DNAH2: variants seen among roughly 807,000 people sequenced by gnomAD.
DNAH2 encodes the protein dynein axonemal heavy chain 2.
In DNAH2, 323 loss-of-function variants were observed where a neutral mutation model predicts 523.5. The ratio of observed to expected loss-of-function variants is 0.62; its 90% CI spans 0.56 to 0.68. The LOEUF is 0.68. DNAH2 is among the 30% of genes least tolerant of loss of function. DNAH2 has a pLI of 0.00. For synonymous variants in DNAH2, 2,093 were observed against 2,177.4 expected (o/e 0.96, Z 1.08); for missense variants, 4,907 against 5,701.5 (o/e 0.86, Z 4.49).
intron 63 of DNAH2, among the ~76,000 whole-genome samples, chr17:7,814,445 TAAG>T (rs1312921000): frequency 6.6e-6 from 1 of 152,166 alleles, no homozygotes; most frequent in Admixed American, 6.6e-5. Context: ...TTTCTAGGTT[TAAG>T]TTTTCATAAT....
At chr17:7,759,769 A>G (rs2075953121) in intron 16 of DNAH2, 22 bp from the exon 17 acceptor site, 4 of 1,613,872 alleles carry the variant, frequency 2.5e-6, no homozygotes, top group South Asian at 1.1e-5. Context: ...TTTTCTCTCC[A>G]TCTCCACTGG....
chr17:7,830,007 C>T (rs1053658010), intron 77 of DNAH2, among the ~76,000 whole-genome samples: 1 of 115,220 alleles, frequency 8.7e-6, no homozygotes, highest in Non-Finnish European at 1.6e-5. Context: ...GCCTGGGCAA[C>T]AACAGCGAAA....
Position 7,821,452 on chromosome 17 carries a change from G to C in DNAH2, c.11142+83G>C. Reference sequence around the variant, plus strand: ...AAGTGTGACAAGGACTCCAGACCCAGAGGGTCAGGCCCACAGCATCAGTGA... The same window carrying C: ...AAGTGTGACAAGGACTCCAGACCCACAGGGTCAGGCCCACAGCATCAGTGA... On this transcript the variant is annotated intron_variant, in intron 73 of 85. Transcript: ENST00000572933. This position sits in a 1 kb window ranked among gnomAD's most constrained non-coding sequence, Gnocchi z 5.0. 1.3e-6 allele frequency: 2 copies of C among 1,490,158 alleles called. No individual in the cohort carries two copies. The highest frequency in any genetic ancestry group is 1.8e-6 in the Non-Finnish European group (2 of 1,107,228). The allele number at this position is 1,490,158 out of a possible 1,614,324, so 92.3% of individuals were successfully genotyped here. A position where few individuals can be genotyped will look rare whatever the true frequency, so the allele number is the denominator to read the frequency against.
intron 13 of DNAH2, 21 bp from the exon 14 acceptor site, chr17:7,758,474 C>T: frequency 1.9e-6 from 3 of 1,606,020 alleles, no homozygotes; most frequent in Non-Finnish European, 2.6e-6. Context: ...CCTCTGGATA[C>T]CAGGCCTCTC....
intron 5 of DNAH2, 78 bp from the exon 6 acceptor site, chr17:7,734,105 G>A (rs914656733): frequency 7.1e-6 from 9 of 1,274,864 alleles, no homozygotes; most frequent in African/African-American, 3.0e-5. Context: ...GTCCCCTACC[G>A]ATCATCAACC....
chr17:7,770,391 G>C lies in DNAH2; in HGVS notation c.4081G>C (p.Glu1361Gln). The C allele has an allele frequency of 6.2e-7, 1 of 1,613,416 alleles. No homozygotes were observed. The highest frequency in any genetic ancestry group is 8.5e-7 in the Non-Finnish European group (1 of 1,179,646). Reference sequence around the variant, plus strand: ...GGAGATCTCTGCTTCAGCAACTAAAGAGCTGGCTATAGAAGTGGTACGACA... The same window carrying C: ...GGAGATCTCTGCTTCAGCAACTAAACAGCTGGCTATAGAAGTGGTACGACA... Reference protein sequence around the residue: ...IGEISASATKELAIEVALQNI... With the variant: ...IGEISASATKQLAIEVALQNI... The change falls in exon 25 of 86, where the codon GAG (glutamate) becomes CAG (glutamine). Residue 1361 changes from glutamate (E) to glutamine (Q), a missense_variant. This residue lies in a region of DNAH2 where 2,806 missense variants were observed against 3,190.8 expected (regional missense o/e 0.88). Coordinates refer to ENST00000572933, the MANE Select transcript of DNAH2 (RefSeq NM_020877.5).
Position 7,759,496 on chromosome 17 carries a change from G to A in DNAH2, c.2523G>A (p.Lys841=), listed in dbSNP as rs140380474. Residue 841 remains lysine, a synonymous_variant, in exon 16 of 86, where the codon AAG becomes AAA. Coordinates refer to ENST00000572933, the MANE Select transcript of DNAH2 (RefSeq NM_020877.5). ...AGGATGCCCTGCGCCTGAATGTGAA[G>A]TGGTCACTGCTAGAACTATCCAAGG... ...MMEDALRLNV[K]WSLLELSKAI... 1.2e-6 allele frequency: 2 copies of A among 1,614,068 alleles called. No individual in the cohort carries two copies. The highest frequency in any genetic ancestry group is 1.7e-5 in the Admixed American group (1 of 59,994).
chr17:7,826,625 C>T (rs574074225), intron 77 of DNAH2, among the ~76,000 whole-genome samples: 204 of 148,398 alleles, frequency 1.4e-3, no homozygotes, highest in Non-Finnish European at 2.5e-3. Context: ...CTGAAACATC[C>T]GCCTCCCAGA....
rs772579946 is a variant in DNAH2 at position 7,739,028 on chromosome 17, A to G, written c.1171-705A>G. ...GACCTTATTGAGGTGGGAAGACTGA[A>G]GAACCAAAAGCTAACAGCAGACCCT... On this transcript the variant is annotated intron_variant, in intron 8 of 85. Transcript: ENST00000572933. 1.6e-4 allele frequency: 111 copies of G among 702,360 alleles called. 2 individuals are homozygous for G. In the East Asian group the frequency reaches 3.0e-3, roughly 19 times the overall value. The allele number at this position is 702,360 out of a possible 1,614,324, so 43.5% of individuals were successfully genotyped here. A position where few individuals can be genotyped will look rare whatever the true frequency, so the allele number is the denominator to read the frequency against.
intron 22 of DNAH2, among the ~76,000 whole-genome samples, chr17:7,767,387 C>A (rs898687824): frequency 6.6e-6 from 1 of 152,092 alleles, no homozygotes; most frequent in Non-Finnish European, 1.5e-5. Flanking sequence ...GGGAGTAGTG[C>A]TGCCATGAAC....
At chr17:7,738,778 C>T in intron 8 of DNAH2, 1 of 562,608 alleles carries the variant, frequency 1.8e-6, no homozygotes, top group Non-Finnish European at 3.2e-6. Context: ...GTTCTTCTCA[C>T]CTTGAGTCTT....
intron 56 of DNAH2, among the ~76,000 whole-genome samples, chr17:7,799,740 C>G (rs1265907681): frequency 6.6e-6 from 1 of 152,150 alleles, no homozygotes; most frequent in Non-Finnish European, 1.5e-5. Context: ...ATCGCTTGAA[C>G]CCGGGAGGCA....
In DNAH2 at chr17:7,746,947, A is replaced by G. The variant is rs561362521; in HGVS notation, c.1904+3805A>G. Among the ~76,000 whole-genome samples the G allele has an allele frequency of 3.3e-5, 5 of 151,476 alleles. No homozygotes were observed. In the East Asian group the frequency reaches 9.7e-4, roughly 29 times the overall value. ...GGTTGCAGTGAGCCGAGAATGCGCCATTGCACTCCAGCCTGGGCAACAAGA... is the reference window on the plus strand; with the variant it reads ...GGTTGCAGTGAGCCGAGAATGCGCCGTTGCACTCCAGCCTGGGCAACAAGA... On this transcript the variant is annotated intron_variant, in intron 12 of 85. Transcript: ENST00000572933.
chr17:7,751,917 T>TGG (rs546310571), intron 12 of DNAH2, among the ~76,000 whole-genome samples: 15,046 of 75,200 alleles, frequency 0.2, 933 homozygotes, highest in African/African-American at 0.31. Flanking sequence ...AGAATAGTTG[T>TGG]GGGGTGTGTG....
chr17:7,742,866 GAT>G, intron 11 of DNAH2, 60 bp from the exon 12 acceptor site: 1 of 1,181,530 alleles, frequency 8.5e-7, no homozygotes, highest in South Asian at 3.4e-5. Context: ...GTCTCAGGGA[GAT>G]GGTGGCCCCT....
chr17:7,739,848 A>G lies in DNAH2; in HGVS notation c.1286A>G (p.Asp429Gly). 1.2e-6 allele frequency: 2 copies of G among 1,613,838 alleles called. No individual in the cohort carries two copies. Among genetic ancestry groups the G allele is most frequent in the Non-Finnish European group, 1.7e-6 (2 of 1,179,978 alleles). Reference sequence around the variant, plus strand: ...ACACGGAACTTGCTGGAGATTGAGGACATCTTTCATAAAAATCTGCACACG... The same window carrying G: ...ACACGGAACTTGCTGGAGATTGAGGGCATCTTTCATAAAAATCTGCACACG... ...QITRNLLEIE[D>G]IFHKNLHTLR... Residue 429 changes from aspartate to glycine, a missense_variant, in exon 9 of 86, where the codon GAC (aspartate) becomes GGC (glycine). Transcript: ENST00000572933.
In DNAH2 at chr17:7,757,106, CTT is replaced by C; in HGVS notation, c.1922_1923del (p.Phe641CysfsTer4). 1 of 1,614,154 alleles carries C rather than the reference CTT, an allele frequency of 6.2e-7. No individual in the cohort carries two copies. Among genetic ancestry groups the C allele is most frequent in the Non-Finnish European group, 8.5e-7 (1 of 1,180,028 alleles). On this transcript the variant is annotated frameshift_variant, in exon 13 of 86. Transcript: ENST00000572933. LOFTEE classifies it high-confidence loss of function. The stretch of plus-strand genomic sequence containing the variant: ...TCTCTCAAAGGTCCCTTCTGATTCT[CTT>C]TGCGGAAATTGACTACTGGGAGCGG... Reference protein sequence around the residue: ...VNFDKSLLILFAEIDYWERLL... With the variant: ...VNFDKSLLILXAEIDYWERLL...
At position 7,787,028 on chromosome 17, in the gene DNAH2, G is replaced by A. The variant is rs758617534; in HGVS notation, c.6598G>A (p.Glu2200Lys). The change falls in exon 42 of 86, where the codon GAG becomes AAG. Residue 2200 changes from glutamate to lysine, a missense_variant. Around this residue, in one of 3 missense-constraint regions of DNAH2, gnomAD observed 2,806 missense variants for 3,190.8 expected, o/e 0.88. Transcript: ENST00000572933. ...CAACGGCGAGCGCATCGCGATGCCCGAGCAGGTCAGGGACGCGGCTGACTC... is the reference window on the plus strand; with the variant it reads ...CAACGGCGAGCGCATCGCGATGCCCAAGCAGGTCAGGGACGCGGCTGACTC... ...LINGERIAMP[E>K]QVSLLFEVED... 2.4e-5 allele frequency: 39 copies of A among 1,614,020 alleles called. 1 individual carries two copies. The East Asian group carries it at 4.7e-4, about 19-fold the overall frequency.
At chr17:7,824,465 C>T (rs2077963529) in intron 76 of DNAH2, 72 bp from the exon 77 acceptor site, 2 of 1,423,972 alleles carry the variant, frequency 1.4e-6, no homozygotes, top group Admixed American at 2.8e-5. Flanking sequence ...CCCACCCCAA[C>T]ACCAGGTGGA....
Sources: allele counts gnomAD v4.1 joint callset (sites outside exome capture counted in the v4.1 genomes callset), GRCh38; gene constraint gnomAD v4.1.1; regional missense constraint gnomAD v4.1.1; non-coding constraint Gnocchi (gnomAD v3.1); transcripts MANE v1.5; gene names NCBI Gene and HGNC (gene_info 2026-07-23, HGNC 2026-07-21).